SRRD: variants seen among roughly 807,000 people sequenced by gnomAD.
The protein encoded by SRRD is SRR1 domain containing, also known as SRR1-like protein.
In SRRD, 28 loss-of-function variants were observed where a neutral mutation model predicts 30.7. That is an observed-to-expected ratio of 0.91 (90% CI 0.68 to 1.25). The LOEUF (loss-of-function observed/expected upper bound fraction) is 1.25. Ranked by LOEUF, SRRD falls within the 50% of genes most tolerant of loss-of-function variation. SRRD has a pLI of 0.00. For synonymous variants in SRRD, 161 were observed against 159.6 expected, an observed-to-expected ratio of 1.01 and a Z score of -0.07; for missense variants, 415 against 417.3, an observed-to-expected ratio of 0.99 and a Z score of 0.05.
At chr22:26,491,243 G>A in intron 6 of SRRD, 173 bp downstream of exon 6, 1 of 766,442 alleles carries the variant, frequency 1.3e-6, no homozygotes, top group Non-Finnish European at 2.1e-6. Context: ...GCATCTCTTA[G>A]TTTTTTCCTT....
Position 26,490,157 on chromosome 22 carries a change from G to A in SRRD, c.723G>A (p.Lys241=). ...WSNWSVDALS[K]MVIIGNSFKG... The stretch of plus-strand genomic sequence containing the variant: ...ACTGGTCAGTAGATGCCCTTTCTAA[G>A]ATGGTCATCATTGGGAACAGTTTCA... Residue 241 remains lysine (K), a synonymous_variant, in exon 5 of 7, where the codon AAG becomes AAA. Transcript: ENST00000215917. The A allele has an allele frequency of 1.2e-6, 2 of 1,614,182 alleles. No homozygotes were observed. The highest frequency in any genetic ancestry group is 1.3e-5 in the African/African-American group (1 of 75,042).
intron 2 of SRRD, among the ~76,000 whole-genome samples, chr22:26,486,974 T>C (rs1013042574): frequency 2.1e-5 from 3 of 145,002 alleles, no homozygotes; most frequent in Non-Finnish European, 4.5e-5. Flanking sequence ...CAGGCTGGAG[T>C]GTAGGGGTGT....
intron 2 of SRRD, among the ~76,000 whole-genome samples, chr22:26,486,452 C>T (rs933291190): frequency 6.6e-6 from 1 of 152,142 alleles, no homozygotes; most frequent in Non-Finnish European, 1.5e-5. Context: ...AATATTTATG[C>T]ATGGAGTGGA....
chr22:26,491,497 A>C lies in SRRD; in HGVS notation c.845A>C (p.Gln282Pro), dbSNP rs775547846. 1.9e-6 allele frequency: 3 copies of C among 1,613,904 alleles called. No individual in the cohort carries two copies. Among genetic ancestry groups the C allele is most frequent in the Non-Finnish European group, 2.5e-6 (3 of 1,180,016 alleles). Reference sequence around the variant, plus strand: ...GGACTGGAGGAGCTTGAGTTTCCTCAGACTTCACAATACATGGACATATTT... The same window carrying C: ...GGACTGGAGGAGCTTGAGTTTCCTCCGACTTCACAATACATGGACATATTT... ...LKGLEELEFP[Q>P]TSQYMDIFND... The change falls in exon 7 of 7, where the codon CAG (glutamine) becomes CCG (proline). Residue 282 changes from glutamine to proline, a missense_variant. By Grantham distance (76) the Gln-to-Pro change is moderately conservative. Coordinates refer to ENST00000215917, the MANE Select transcript of SRRD (RefSeq NM_001013694.3).
chr22:26,484,020 AGAGAGGCGGCGCCCCGGG>A lies in SRRD; in HGVS notation c.132_149del (p.Arg44_Gly50delinsSer), dbSNP rs1569146617. ...GGGGAGAGAGGCGGCGCCCCGGGGG[AGAGAGGCGGCGCCCCGGG>A]GCCCCGAGGCGGAGTTCGAGTCTGA... On this transcript the variant is annotated inframe_deletion, in exon 1 of 7. Coordinates refer to ENST00000215917, the MANE Select transcript of SRRD (RefSeq NM_001013694.3). The A allele has an allele frequency of 8.7e-5, 19 of 217,488 alleles. No homozygotes were observed. The highest frequency in any genetic ancestry group is 5.4e-4 in the Admixed American group (6 of 11,096). The allele number at this position is 217,488 out of a possible 1,614,324, so 13.5% of individuals were successfully genotyped here. A position where few individuals can be genotyped will look rare whatever the true frequency, so the allele number is the denominator to read the frequency against.
In SRRD at chr22:26,491,990, A is replaced by T; in HGVS notation, c.*318A>T. On this transcript the variant is annotated 3_prime_UTR_variant, in exon 7 of 7. Transcript: ENST00000215917. ...CATCCCTCTTAGGGGCAAGTCTCTG[A>T]CTGGTTCTGGACCTGCCACAGTTCA... 6.4e-7 allele frequency: 1 copy of T among 1,564,108 alleles called. No homozygotes were observed. The highest frequency in any genetic ancestry group is 1.2e-5 in the South Asian group (1 of 85,640).
rs200343279 is a variant in SRRD at position 26,492,411 on chromosome 22, G to A, written c.*739G>A. The stretch of plus-strand genomic sequence containing the variant: ...AGGGCGGTGAGGAGAGGTGTTTCCA[G>A]GTGTATGGAAGTTGACACTGTGGCT... On this transcript the variant is annotated 3_prime_UTR_variant, in exon 7 of 7. Coordinates refer to ENST00000215917, the MANE Select transcript of SRRD (RefSeq NM_001013694.3). The A allele has an allele frequency of 4.9e-5, 77 of 1,582,218 alleles. No individual in the cohort carries two copies. Among genetic ancestry groups the A allele is most frequent in the Non-Finnish European group, 5.4e-5 (62 of 1,155,754 alleles).
In SRRD at chr22:26,490,062, C is replaced by T. The variant is rs761271953; in HGVS notation, c.628C>T (p.Arg210Cys). 59 of 1,613,832 alleles carry T rather than the reference C, an allele frequency of 3.7e-5. No homozygotes were observed. Among genetic ancestry groups the T allele is most frequent in the African/African-American group, 1.5e-4 (11 of 74,882 alleles). Residue 210 changes from arginine (R) to cysteine (C), a missense_variant, in exon 5 of 7, where the codon CGC becomes TGC. Arg to Cys is a radical substitution (Grantham distance 180). Coordinates refer to ENST00000215917, the MANE Select transcript of SRRD (RefSeq NM_001013694.3). The part of the protein sequence containing the change: ...SENEEGKRSI[R>C]GEPTIFYMLH... ...TCCCCAGGAAGGGAAACGGAGTATTCGCGGGGAGCCTACCATCTTTTACAT... is the reference window on the plus strand; with the variant it reads ...TCCCCAGGAAGGGAAACGGAGTATTTGCGGGGAGCCTACCATCTTTTACAT...
In SRRD at chr22:26,490,089, C is replaced by T. The variant is rs1372111552; in HGVS notation, c.655C>T (p.Leu219Phe). ...CGGGGAGCCTACCATCTTTTACATGCTCCATTGTGGGACGGCCTTGTACAA... is the reference window on the plus strand; with the variant it reads ...CGGGGAGCCTACCATCTTTTACATGTTCCATTGTGGGACGGCCTTGTACAA... The part of the protein sequence containing the change: ...IRGEPTIFYM[L>F]HCGTALYNNL... Residue 219 changes from leucine (L) to phenylalanine (F), a missense_variant, in exon 5 of 7, where the codon CTC (leucine) becomes TTC (phenylalanine). Coordinates refer to ENST00000215917, the MANE Select transcript of SRRD (RefSeq NM_001013694.3). 1.2e-6 allele frequency: 2 copies of T among 1,613,978 alleles called. No individual in the cohort carries two copies. Among genetic ancestry groups the T allele is most frequent in the East Asian group, 2.2e-5 (1 of 44,892 alleles).
Position 26,491,489 on chromosome 22 carries a change from G to A in SRRD, c.837G>A (p.Glu279=). 6.2e-7 allele frequency: 1 copy of A among 1,613,572 alleles called. No homozygotes were observed. Among genetic ancestry groups the A allele is most frequent in the Non-Finnish European group, 8.5e-7 (1 of 1,179,970 alleles). The change falls in exon 7 of 7, where the codon GAG becomes GAA. Residue 279 remains glutamate (E), a synonymous_variant. Coordinates refer to ENST00000215917, the MANE Select transcript of SRRD (RefSeq NM_001013694.3). ...AKILKGLEEL[E]FPQTSQYMDI... is the part of the protein sequence containing the mutation. ...TTTTAAAAGGACTGGAGGAGCTTGAGTTTCCTCAGACTTCACAATACATGG... is the reference window on the plus strand; with the variant it reads ...TTTTAAAAGGACTGGAGGAGCTTGAATTTCCTCAGACTTCACAATACATGG...
Position 26,491,718 on chromosome 22 carries a change from C to A in SRRD, c.*46C>A. ...TGTTGGCTGAGGTAGAAGCTGCCACCAGAGACTAAAGGGAAGGCTGCTATG... is the reference window on the plus strand; with the variant it reads ...TGTTGGCTGAGGTAGAAGCTGCCACAAGAGACTAAAGGGAAGGCTGCTATG... On this transcript the variant is annotated 3_prime_UTR_variant, in exon 7 of 7. Coordinates refer to ENST00000215917, the MANE Select transcript of SRRD (RefSeq NM_001013694.3). 1 of 1,544,056 alleles carries A rather than the reference C, an allele frequency of 6.5e-7. No homozygotes were observed. The highest frequency in any genetic ancestry group is 8.8e-7 in the Non-Finnish European group (1 of 1,131,266).
rs974718255 is a variant in SRRD, at chr22:26,492,307, C to T, written c.*635C>T. The stretch of plus-strand genomic sequence containing the variant: ...GCATGGCCTCGTACTGGAAGTCCTT[C>T]CTCCGCTCCGTGTGGGTGAGATAGG... On this transcript the variant is annotated 3_prime_UTR_variant, in exon 7 of 7. Transcript: ENST00000215917. 2 of 1,614,220 alleles carry T rather than the reference C, an allele frequency of 1.2e-6. No individual in the cohort carries two copies. Among genetic ancestry groups the T allele is most frequent in the Non-Finnish European group, 1.7e-6 (2 of 1,180,044 alleles).
chr22:26,487,999 C>T, intron 2 of SRRD, 30 bp from the exon 3 acceptor site: 1 of 1,586,010 alleles, frequency 6.3e-7, no homozygotes, highest in Middle Eastern at 1.8e-4. Context: ...AACATGCCCT[C>T]TAACTGCATT....
At chr22:26,490,382 A>C (rs1219723478) in intron 5 of SRRD, among the ~76,000 whole-genome samples, 184 bp downstream of exon 5, 1 of 152,050 alleles carries the variant, frequency 6.6e-6, no homozygotes, top group Non-Finnish European at 1.5e-5. Flanking sequence ...CAAGTTAAGG[A>C]GTCTTTTTGC....
chr22:26,490,982 ATGG>A lies in SRRD; in HGVS notation c.765-40_765-38del, dbSNP rs1440759040. ...GAAACTATCCTCATACCTCCTAATC[ATGG>A]TGTTTTTTTTTTGTTTTTTTGGTTT... On this transcript the variant is annotated intron_variant, in intron 5 of 6. Transcript: ENST00000215917. 2.0e-6 allele frequency: 3 copies of A among 1,498,056 alleles called. No individual in the cohort carries two copies. In the African/African-American group the frequency reaches 5.0e-5, roughly 25 times the overall value. The allele number at this position is 1,498,056 out of a possible 1,614,324, so 92.8% of individuals were successfully genotyped here.
chr22:26,486,182 T>TA, intron 2 of SRRD, 119 bp downstream of exon 2: 1 of 1,070,132 alleles, frequency 9.3e-7, no homozygotes, highest in East Asian at 2.5e-5. Flanking sequence ...GCCCGCCCCT[T>TA]ACAGCTGTAT....
At position 26,492,460 on chromosome 22, in the gene SRRD, G is replaced by C; in HGVS notation, c.*788G>C. On this transcript the variant is annotated 3_prime_UTR_variant, in exon 7 of 7. Coordinates refer to ENST00000215917, the MANE Select transcript of SRRD (RefSeq NM_001013694.3). ...CTTGGCCCAGGTCTTGGGTGTGCCA[G>C]AGTGCTTGTGACTCACTGAAGGGCA... 1 of 1,193,758 alleles carries C rather than the reference G, an allele frequency of 8.4e-7. No individual in the cohort carries two copies. The highest frequency in any genetic ancestry group is 1.2e-6 in the Non-Finnish European group (1 of 827,462). The allele number at this position is 1,193,758 out of a possible 1,614,324, so 73.9% of individuals were successfully genotyped here.
intron 4 of SRRD, 89 bp downstream of exon 4, chr22:26,488,577 C>A: frequency 1.0e-6 from 1 of 967,194 alleles, no homozygotes; most frequent in Non-Finnish European, 1.7e-6. Context: ...GCATTCTTTG[C>A]AGTGGCAGCC....
intron 4 of SRRD, 135 bp from the exon 5 acceptor site, chr22:26,489,908 CT>C: frequency 1.1e-6 from 1 of 881,836 alleles, no homozygotes; most frequent in Non-Finnish European, 1.8e-6. Context: ...ACGAGTGTAA[CT>C]GTTCCACAAA....
Sources: gnomAD v4.1 joint callset for allele counts (sites outside exome capture counted in the v4.1 genomes callset) on GRCh38, gnomAD v4.1.1 for gene constraint, MANE v1.5 for transcripts, NCBI Gene and HGNC (gene_info 2026-07-23, HGNC 2026-07-21) for gene names.